Variants in SMG6 observed in about 807,000 individuals in gnomAD.
SMG6 encodes telomerase-binding protein EST1A.
Under a neutral mutation model 142.2 loss-of-function variants are expected in SMG6, and 66 were observed. The observed-to-expected ratio is 0.46, with a 90% CI of 0.38 to 0.57. The LOEUF is 0.57. Ranked by LOEUF, SMG6 falls within the 20% of genes least tolerant of loss-of-function variation. SMG6 has a pLI of 0.00. For synonymous variants in SMG6, 779 were observed against 702.4 expected (o/e 1.11, Z -1.72); for missense variants, 1,793 against 1,832.0 (o/e 0.98, Z 0.39).
chr17:2,136,731 T>C (rs77354548), intron 13 of SMG6, among the ~76,000 whole-genome samples: 2 of 145,508 alleles, frequency 1.4e-5, no homozygotes, highest in African/African-American at 5.0e-5. Context: ...TTTTTTTCCT[T>C]TTTTTTTTTT....
rs1345784792 is a variant in SMG6, at chr17:2,297,848, A to C, written c.2040+15T>G. 1 of 1,605,174 alleles carries C rather than the reference A, an allele frequency of 6.2e-7. No homozygotes were observed. Among genetic ancestry groups the C allele is most frequent in the African/African-American group, 1.3e-5 (1 of 74,754 alleles). On this transcript the variant is annotated intron_variant, in intron 3 of 18. Coordinates refer to ENST00000263073, the MANE Select transcript of SMG6 (RefSeq NM_017575.5). ...CTGAAGCCTTTATCCTGAGGACAAA[A>C]AGATGACAGTTTACCTCATCCAAGA...
intron 13 of SMG6, among the ~76,000 whole-genome samples, chr17:2,158,860 C>CAA (rs1156515446): frequency 1.5e-4 from 5 of 32,300 alleles, no homozygotes; most frequent in Non-Finnish European, 1.9e-4. Context: ...GACCCTGTTT[C>CAA]AAAAAAAAAA....
At chr17:2,089,009 C>G (rs2068642028) in intron 13 of SMG6, among the ~76,000 whole-genome samples, 1 of 152,158 alleles carries the variant, frequency 6.6e-6, no homozygotes. Context: ...ATGAAAGAAG[C>G]CTTTCAAACC....
intron 13 of SMG6, among the ~76,000 whole-genome samples, chr17:2,129,138 AG>A (rs2070015163): frequency 1.3e-5 from 2 of 152,112 alleles, no homozygotes; most frequent in South Asian, 2.1e-4. Flanking sequence ...GCTTGAGCCC[AG>A]GATGGCGAAA....
At chr17:2,275,211 CAGG>C (rs1259983405) in intron 8 of SMG6, among the ~76,000 whole-genome samples, 1 of 152,118 alleles carries the variant, frequency 6.6e-6, no homozygotes, top group African/African-American at 2.4e-5. Context: ...CACTTGAGGT[CAGG>C]AGTTCAATAC....
At chr17:2,203,269 G>A (rs1316527553) in intron 10 of SMG6, among the ~76,000 whole-genome samples, 1 of 152,158 alleles carries the variant, frequency 6.6e-6, no homozygotes, top group Non-Finnish European at 1.5e-5. Flanking sequence ...GTTACTGTCT[G>A]AGCCCAGAGT....
At chr17:2,154,265 T>A (rs1379674137) in intron 13 of SMG6, among the ~76,000 whole-genome samples, 2 of 120,510 alleles carry the variant, frequency 1.7e-5, no homozygotes, top group African/African-American at 6.6e-5. Context: ...TGACGGTGAC[T>A]GGGAAACCTG....
intron 13 of SMG6, among the ~76,000 whole-genome samples, chr17:2,104,178 C>G (rs1597389354): frequency 6.6e-6 from 1 of 152,188 alleles, no homozygotes; most frequent in East Asian, 1.9e-4. Flanking sequence ...GTCTTGATCT[C>G]CTGACCTCGT....
At chr17:2,303,594 C>T in intron 1 of SMG6, 39 bp downstream of exon 1, 2 of 1,380,042 alleles carry the variant, frequency 1.4e-6, no homozygotes, top group Non-Finnish European at 9.4e-7. Flanking sequence ...GGAGGCGGGG[C>T]GGGCAGGCCC....
At chr17:2,219,847 T>G (rs1014945101) in intron 10 of SMG6, among the ~76,000 whole-genome samples, 15 of 137,736 alleles carry the variant, frequency 1.1e-4, no homozygotes, top group South Asian at 4.8e-4. Flanking sequence ...AAAGAAAAAA[T>G]AATCTAGCAT....
intron 13 of SMG6, among the ~76,000 whole-genome samples, chr17:2,169,513 T>C (rs2071440423): frequency 6.6e-6 from 1 of 152,160 alleles, no homozygotes; most frequent in Admixed American, 6.6e-5. Context: ...GGAAGCTCTC[T>C]TTACCAAGGT....
Position 2,079,106 on chromosome 17 carries a change from G to A in SMG6, c.3681+2704C>T, listed in dbSNP as rs573417901. On this transcript the variant is annotated intron_variant, in intron 15 of 18. Transcript: ENST00000263073. ...AGCCTCCCGAGTAGCTGGGACTACA[G>A]GCACCCGCCACCACACCCGGCTCAC... is the stretch of plus-strand genomic sequence containing the variant. Among the ~76,000 whole-genome samples the A allele has an allele frequency of 2.6e-5, 4 of 152,174 alleles. No homozygotes were observed. The South Asian group carries it at 8.3e-4, about 32-fold the overall frequency.
intron 8 of SMG6, among the ~76,000 whole-genome samples, chr17:2,251,026 G>T (rs572432991): frequency 2.0e-5 from 3 of 151,980 alleles, no homozygotes; most frequent in Non-Finnish European, 4.4e-5. Flanking sequence ...CTTGCCCACT[G>T]GCCATTTATG....
At chr17:2,166,027 CAT>C (rs2071327948) in intron 13 of SMG6, among the ~76,000 whole-genome samples, 1 of 152,156 alleles carries the variant, frequency 6.6e-6, no homozygotes, top group African/African-American at 2.4e-5. Context: ...GCCTGGCCGA[CAT>C]AGCAAAACCC....
intron 9 of SMG6, among the ~76,000 whole-genome samples, chr17:2,240,702 T>C (rs1355313064): frequency 1.3e-5 from 2 of 152,246 alleles, no homozygotes; most frequent in East Asian, 3.8e-4. Flanking sequence ...TGCTGGGAGT[T>C]AAGAGACTTA....
intron 13 of SMG6, among the ~76,000 whole-genome samples, chr17:2,164,340 T>G (rs2071268867): frequency 6.6e-6 from 1 of 151,332 alleles, no homozygotes; most frequent in Non-Finnish European, 1.5e-5. Flanking sequence ...GGAGAATCGC[T>G]TAAACCCGGG....
chr17:2,097,904 G>T (rs2068899651), intron 13 of SMG6, among the ~76,000 whole-genome samples: 1 of 152,116 alleles, frequency 6.6e-6, no homozygotes, highest in Non-Finnish European at 1.5e-5. Context: ...TTCTATCGGG[G>T]ATACTCAATT....
intron 10 of SMG6, among the ~76,000 whole-genome samples, chr17:2,219,078 G>A (rs928453293): frequency 2.0e-4 from 31 of 152,268 alleles, no homozygotes; most frequent in African/African-American, 7.2e-4. Flanking sequence ...GCCAAAGACT[G>A]TAAAAAATTT....
At chr17:2,282,914 T>C in intron 7 of SMG6, 55 bp from the exon 8 acceptor site, 2 of 1,563,188 alleles carry the variant, frequency 1.3e-6, no homozygotes, top group South Asian at 2.2e-5. Flanking sequence ...CTCACGCCTG[T>C]AATCCCAGCA....
Sources: allele counts gnomAD v4.1 joint callset (sites outside exome capture counted in the v4.1 genomes callset), GRCh38; gene constraint gnomAD v4.1.1; transcripts MANE v1.5; gene names NCBI Gene and HGNC (gene_info 2026-07-23, HGNC 2026-07-21).